The following PAMR1 variants were observed in gnomAD, a reference collection of about 807,000 sequenced individuals.
PAMR1 encodes inactive serine protease PAMR1.
Under a neutral mutation model 81.8 loss-of-function variants are expected in PAMR1, and 88 were observed. The ratio of observed to expected loss-of-function variants is 1.08; its 90% CI spans 0.91 to 1.28. The LOEUF is 1.28. Among genes scored for constraint, PAMR1 ranks in the 50% most tolerant of loss-of-function variants. PAMR1 has a pLI of 0.00. For synonymous variants in PAMR1, 336 were observed against 345.3 expected (o/e 0.97, Z 0.30); for missense variants, 935 against 919.7 (o/e 1.02, Z -0.21).
chr11:35,441,675 C>A lies in PAMR1; in HGVS notation c.839G>T (p.Cys280Phe), dbSNP rs1262054722. ...RCENLLEERNCSDPGGPVNGY... is the reference protein window; with the variant it reads ...RCENLLEERNFSDPGGPVNGY... ...ATTGACTGGGCCCCCAGGGTCTGAG[C>A]AGTTTCTTTCTTCAAGGACTAAAAG... Residue 280 changes from cysteine to phenylalanine, a missense_variant, in exon 7 of 11, where the codon TGC becomes TTC. Physicochemically the swap from Cys to Phe is radical, Grantham distance 205. Transcript: ENST00000619888. The A allele has an allele frequency of 6.8e-6, 11 of 1,609,564 alleles. No homozygotes were observed. The Middle Eastern group carries it at 5.0e-4, about 73-fold the overall frequency.
At position 35,470,653 on chromosome 11, in the gene PAMR1, G is replaced by A. The variant is rs141244308; in HGVS notation, c.660C>T (p.Ser220=). The A allele has an allele frequency of 3.0e-4, 490 of 1,614,050 alleles. 4 individuals are homozygous for A. The highest frequency in any genetic ancestry group is 1.6e-4 in the Middle Eastern group (1 of 6,084). The change falls in exon 5 of 11, where the codon TCC becomes TCT. Residue 220 remains serine (S), a synonymous_variant. Transcript: ENST00000619888. The stretch of plus-strand genomic sequence containing the variant: ...AACCGTCAAAATTCTTGGAGCCATC[G>A]GAGTGGAAGAGGACGTGGAGTGAGG... The part of the protein sequence containing the change: ...IGSSLHVLFH[S]DGSKNFDGFH...
intron 1 of PAMR1, among the ~76,000 whole-genome samples, chr11:35,507,050 T>A (rs1258194141): frequency 7.1e-6 from 1 of 140,678 alleles, no homozygotes; most frequent in African/African-American, 2.7e-5. Flanking sequence ...TTTTTTTTTT[T>A]TTTTTTTTTT....
intron 1 of PAMR1, among the ~76,000 whole-genome samples, chr11:35,522,339 CA>C (rs1441629753): frequency 6.6e-6 from 1 of 152,194 alleles, no homozygotes; most frequent in Non-Finnish European, 1.5e-5. Flanking sequence ...CTGTACCCAT[CA>C]AATAATAACT....
In PAMR1 at chr11:35,462,627, G is replaced by A. The variant is rs575050361; in HGVS notation, c.820+5374C>T. Among the ~76,000 whole-genome samples the A allele has an allele frequency of 3.6e-4, 55 of 152,256 alleles. 1 individual carries two copies. The South Asian group carries it at 0.011, about 30-fold the overall frequency. Reference sequence around the variant, plus strand: ...CTTTCTGCCATACTTTTAAATGGCCGTAATGTGGAATCAGAAACAGTGGGA... The same window carrying A: ...CTTTCTGCCATACTTTTAAATGGCCATAATGTGGAATCAGAAACAGTGGGA... On this transcript the variant is annotated intron_variant, in intron 6 of 10. Coordinates refer to ENST00000619888, the MANE Select transcript of PAMR1 (RefSeq NM_001001991.3).
At chr11:35,447,157 G>GCTT (rs1391346143) in intron 6 of PAMR1, among the ~76,000 whole-genome samples, 1 of 149,372 alleles carries the variant, frequency 6.7e-6, no homozygotes, top group Non-Finnish European at 1.5e-5. Context: ...TGCAGCCCCT[G>GCTT]CTTTTTTCTG....
chr11:35,529,389 A>G (rs1851433593), upstream of PAMR1, among the ~76,000 whole-genome samples: 1 of 152,234 alleles, frequency 6.6e-6, no homozygotes, highest in Non-Finnish European at 1.5e-5. Context: ...ACAATCATTG[A>G]GTCTAGGCTA....
In PAMR1 at chr11:35,435,918, G is replaced by A. The variant is rs1298005526; in HGVS notation, c.1318C>T (p.Pro440Ser). The change falls in exon 9 of 11, where the codon CCA becomes TCA. Residue 440 changes from proline to serine, a missense_variant. By Grantham distance (74) the Pro-to-Ser change is moderately conservative. Transcript: ENST00000619888. ...CTTGACTCACTAGGGATGCAGGATG[G>A]TGCCCGCCCACTCCACTTCCCAGTC... ...LRTGKWSGRA[P>S]SCIPICGKIE... 2.5e-6 allele frequency: 4 copies of A among 1,613,566 alleles called. No individual in the cohort carries two copies. The African/African-American group carries it at 4.0e-5, about 16-fold the overall frequency.
intron 6 of PAMR1, 112 bp from the exon 7 acceptor site, chr11:35,441,805 G>T: frequency 3.1e-6 from 2 of 641,496 alleles, no homozygotes; most frequent in Non-Finnish European, 5.1e-6. Context: ...AGGATCTGGT[G>T]CTCAAAAGAA....
chr11:35,504,888 A>C (rs1850365), intron 1 of PAMR1, among the ~76,000 whole-genome samples: 98,450 of 151,132 alleles, frequency 0.65, 34,273 homozygotes, highest in East Asian at 0.97. Flanking sequence ...CTTTATATTT[A>C]TTTCCTTCTA....
chr11:35,442,589 C>CT lies in PAMR1; in HGVS notation c.821-897dup, dbSNP rs561367260. On this transcript the variant is annotated intron_variant, in intron 6 of 10. Transcript: ENST00000619888. ...TATCAGCCTCCCTACTTTCTTTTTTCTTTTTTTTTCTTTTTCTTTTTTTAT... is the reference window on the plus strand; with the variant it reads ...TATCAGCCTCCCTACTTTCTTTTTTCTTTTTTTTTTCTTTTTCTTTTTTTAT... Among the ~76,000 whole-genome samples the CT allele has an allele frequency of 9.9e-5, 15 of 150,998 alleles. No homozygotes were observed. The East Asian group carries it at 1.9e-3, about 19-fold the overall frequency.
chr11:35,476,345 T>C (rs112417687), intron 3 of PAMR1, among the ~76,000 whole-genome samples: 2 of 152,270 alleles, frequency 1.3e-5, no homozygotes, highest in Admixed American at 6.5e-5. Context: ...CCACATGTCA[T>C]AGGAGGGACC....
chr11:35,523,210 G>C (rs1851315962), intron 1 of PAMR1, among the ~76,000 whole-genome samples: 1 of 152,026 alleles, frequency 6.6e-6, no homozygotes, highest in African/African-American at 2.4e-5. Context: ...CTTCTCCCTT[G>C]CTTTCTTTCC....
chr11:35,472,389 T>TC (rs1306341839), intron 4 of PAMR1, among the ~76,000 whole-genome samples: 2 of 152,212 alleles, frequency 1.3e-5, no homozygotes, highest in Non-Finnish European at 2.9e-5. Context: ...GCCAGCTCTG[T>TC]CCCAGACACT....
In PAMR1 at chr11:35,477,058, C is replaced by T. The variant is rs11824194; in HGVS notation, c.380-2314G>A. 5.7e-3 allele frequency among the ~76,000 whole-genome samples: 871 copies of T among 152,210 alleles called. 7 individuals carry two copies. The highest frequency in any genetic ancestry group is 0.02 in the African/African-American group (829 of 41,536). ...CATAGAATAATAAAAATAATAAGTT[C>T]GACTGCCACTTCTTCAAAGAGGCCT... On this transcript the variant is annotated intron_variant, in intron 3 of 10. Transcript: ENST00000619888.
intron 6 of PAMR1, among the ~76,000 whole-genome samples, chr11:35,454,589 G>T (rs1856487352): frequency 6.6e-6 from 1 of 152,082 alleles, no homozygotes; most frequent in African/African-American, 2.4e-5. Context: ...GACTGCTTGG[G>T]GAAAAAACTA....
chr11:35,432,883 T>C lies in PAMR1; in HGVS notation c.1636A>G (p.Ile546Val). ...KTIQSLQISAIILHPNYDPIL... is the reference protein window; with the variant it reads ...KTIQSLQISAVILHPNYDPIL... Reference sequence around the variant, plus strand: ...GGGTCATAGTTGGGATGCAGAATGATAGCAGAAATCTACAAATGCAAGGAA... The same window carrying C: ...GGGTCATAGTTGGGATGCAGAATGACAGCAGAAATCTACAAATGCAAGGAA... The change falls in exon 11 of 11, where the codon ATC (isoleucine) becomes GTC (valine). Residue 546 changes from isoleucine to valine, a missense_variant. Coordinates refer to ENST00000619888, the MANE Select transcript of PAMR1 (RefSeq NM_001001991.3). 1 of 1,574,770 alleles carries C rather than the reference T, an allele frequency of 6.4e-7. No individual in the cohort carries two copies. The highest frequency in any genetic ancestry group is 8.6e-7 in the Non-Finnish European group (1 of 1,164,394).
chr11:35,472,714 T>C (rs1171499934), intron 4 of PAMR1, among the ~76,000 whole-genome samples: 1 of 152,116 alleles, frequency 6.6e-6, no homozygotes, highest in Non-Finnish European at 1.5e-5. Context: ...CAGGGGAATC[T>C]GTAAGTGCAA....
chr11:35,494,261 T>G lies in PAMR1; in HGVS notation c.85A>C (p.Ile29Leu), dbSNP rs1277614354. The G allele has an allele frequency of 6.2e-7, 1 of 1,614,030 alleles. No individual in the cohort carries two copies. The highest frequency in any genetic ancestry group is 8.5e-7 in the Non-Finnish European group (1 of 1,179,964). The change falls in exon 2 of 11, where the codon ATT becomes CTT. Residue 29 changes from isoleucine to leucine, a missense_variant. Physicochemically the swap from Ile to Leu is conservative, Grantham distance 5. Coordinates refer to ENST00000619888, the MANE Select transcript of PAMR1 (RefSeq NM_001001991.3). ...TCTGCTCCAGGGCAGGCTTCATTAA[T>G]GACTGTGTACTCTGAAATGGAAAAC... ...ISSLPREYTV[I>L]NEACPGAEWN...
chr11:35,436,043 T>A lies in PAMR1; in HGVS notation c.1193A>T (p.Asp398Val). ...PTKKPALPFG[D>V]LPMGYQHLHT... ...CAGATGTTGGTATCCCATGGGCAGATCTCCAAAGGGAAGGGCTGGCTTCTT... is the reference window on the plus strand; with the variant it reads ...CAGATGTTGGTATCCCATGGGCAGAACTCCAAAGGGAAGGGCTGGCTTCTT... The change falls in exon 9 of 11, where the codon GAT (aspartate) becomes GTT (valine). Residue 398 changes from aspartate (D) to valine (V), a missense_variant. Asp to Val is a radical substitution (Grantham distance 152, BLOSUM62 -3). Coordinates refer to ENST00000619888, the MANE Select transcript of PAMR1 (RefSeq NM_001001991.3). 6.2e-7 allele frequency: 1 copy of A among 1,614,042 alleles called. No homozygotes were observed. Among genetic ancestry groups the A allele is most frequent in the Non-Finnish European group, 8.5e-7 (1 of 1,179,974 alleles).
Sources: allele counts gnomAD v4.1 joint callset (sites outside exome capture counted in the v4.1 genomes callset), GRCh38; gene constraint gnomAD v4.1.1; transcripts MANE v1.5; gene names NCBI Gene and HGNC (gene_info 2026-07-23, HGNC 2026-07-21).